TMTC1: variants seen among roughly 807,000 people sequenced by gnomAD.
TMTC1 encodes the protein transmembrane O-mannosyltransferase targeting cadherins 1.
TMTC1 carries 73 observed loss-of-function variants against 104.8 expected under a neutral mutation model. The observed-to-expected ratio is 0.70, with a 90% CI of 0.58 to 0.85. The LOEUF (loss-of-function observed/expected upper bound fraction) is 0.85, where lower values mean the gene tolerates loss of function less well. Among genes scored for constraint, TMTC1 ranks in the 40% least tolerant of loss-of-function variants. The pLI is 0.00. For synonymous variants in TMTC1, 434 were observed against 428.7 expected (o/e 1.01, Z -0.15); for missense variants, 1,035 against 1,096.1 (o/e 0.94, Z 0.79).
intron 5 of TMTC1, among the ~76,000 whole-genome samples, chr12:29,643,611 TA>T (rs1939006633): frequency 5.2e-5 from 2 of 38,514 alleles, no homozygotes; most frequent in African/African-American, 1.3e-4. Context: ...ATATTATATA[TA>T]ATATATATCT....
At chr12:29,702,834 T>C (rs1006988803) in intron 5 of TMTC1, among the ~76,000 whole-genome samples, 1 of 152,114 alleles carries the variant, frequency 6.6e-6, no homozygotes, top group Non-Finnish European at 1.5e-5. Flanking sequence ...GACTGCGATA[T>C]TTTCTAATTT....
chr12:29,740,708 C>A (rs1458082073), intron 5 of TMTC1, among the ~76,000 whole-genome samples: 1 of 152,140 alleles, frequency 6.6e-6, no homozygotes, highest in Admixed American at 6.5e-5. Context: ...CTCCTAGGCT[C>A]AAGTGATCTT....
At chr12:29,560,416 G>A (rs1448922365) in intron 9 of TMTC1, among the ~76,000 whole-genome samples, 1 of 151,612 alleles carries the variant, frequency 6.6e-6, no homozygotes, top group Non-Finnish European at 1.5e-5. Flanking sequence ...GAGTTATATT[G>A]TCCAATCATT....
chr12:29,565,451 A>G (rs1338779113), intron 9 of TMTC1, among the ~76,000 whole-genome samples: 1 of 152,206 alleles, frequency 6.6e-6, no homozygotes, highest in East Asian at 1.9e-4. Context: ...GAAGAGGAAA[A>G]GATAGACGTA....
chr12:29,678,535 G>C (rs1031724054), intron 5 of TMTC1, among the ~76,000 whole-genome samples: 2 of 152,108 alleles, frequency 1.3e-5, no homozygotes, highest in African/African-American at 4.8e-5. Flanking sequence ...AGGGACAGTG[G>C]GTTTCCGAAT....
Position 29,592,331 on chromosome 12 carries a change from A to G in TMTC1, c.1251-8757T>C, listed in dbSNP as rs577677212. ...GGAGAAATTTTCCAGAAGAATGAAT[A>G]TATTTGGAAGTGAGAGTTTATTCAT... On this transcript the variant is annotated intron_variant, in intron 7 of 17. Coordinates refer to ENST00000539277, the MANE Select transcript of TMTC1 (RefSeq NM_001193451.2). Among the ~76,000 whole-genome samples the G allele has an allele frequency of 6.6e-5, 10 of 152,340 alleles. 1 individual carries two copies. Among genetic ancestry groups the G allele is most frequent in the East Asian group, 5.8e-4 (3 of 5,192 alleles).
chr12:29,573,253 T>G (rs951640530), intron 8 of TMTC1, among the ~76,000 whole-genome samples: 6 of 152,140 alleles, frequency 3.9e-5, no homozygotes, highest in Admixed American at 3.3e-4. Context: ...TGCCAGGCCC[T>G]CACATAATCT....
At chr12:29,643,816 T>TAC (rs1172434702) in intron 5 of TMTC1, among the ~76,000 whole-genome samples, 3 of 52,298 alleles carry the variant, frequency 5.7e-5, no homozygotes, top group African/African-American at 1.7e-4. Flanking sequence ...TATATTTATA[T>TAC]ATATTTATAT....
intron 11 of TMTC1, among the ~76,000 whole-genome samples, chr12:29,528,542 A>G (rs1008973565): frequency 1.3e-5 from 2 of 152,220 alleles, no homozygotes; most frequent in Non-Finnish European, 2.9e-5. Context: ...TAATTACCCA[A>G]TATAGCACAC....
chr12:29,772,578 T>C (rs1780744997), intron 1 of TMTC1, among the ~76,000 whole-genome samples: 1 of 152,184 alleles, frequency 6.6e-6, no homozygotes, highest in South Asian at 2.1e-4. Context: ...AGCCTGACCC[T>C]TTTAGCAATT....
intron 9 of TMTC1, among the ~76,000 whole-genome samples, chr12:29,558,171 T>C (rs947546111): frequency 3.9e-5 from 6 of 152,140 alleles, no homozygotes; most frequent in African/African-American, 1.4e-4. Flanking sequence ...ATATTCAGAG[T>C]GGACATAGTT....
At chr12:29,703,789 C>A (rs1469443458) in intron 5 of TMTC1, among the ~76,000 whole-genome samples, 1 of 152,210 alleles carries the variant, frequency 6.6e-6, no homozygotes, top group Non-Finnish European at 1.5e-5. Context: ...TTGTATAAAT[C>A]CTTTGAAACC....
intron 5 of TMTC1, among the ~76,000 whole-genome samples, chr12:29,690,873 A>C (rs1236283470): frequency 2.6e-5 from 4 of 152,242 alleles, no homozygotes; most frequent in African/African-American, 9.6e-5. Flanking sequence ...CTTTGCAAAA[A>C]TTATAACTGA....
At chr12:29,729,260 A>C (rs927295418) in intron 5 of TMTC1, among the ~76,000 whole-genome samples, 1 of 151,558 alleles carries the variant, frequency 6.6e-6, no homozygotes, top group African/African-American at 2.4e-5. Context: ...ATATCTGCTA[A>C]CTCCACTGTC....
In TMTC1 at chr12:29,725,488, C is replaced by A. The variant is rs149446751; in HGVS notation, c.938+26178G>T. Among the ~76,000 whole-genome samples the A allele has an allele frequency of 7.6e-3, 1,154 of 152,200 alleles. 18 individuals are homozygous for A. Among genetic ancestry groups the A allele is most frequent in the African/African-American group, 0.027 (1,102 of 41,538 alleles). ...AGCTGGGATTATAGGCATGAGCTACCACACCCAGTCCTGCCAAGTACTTAA... is the reference window on the plus strand; with the variant it reads ...AGCTGGGATTATAGGCATGAGCTACAACACCCAGTCCTGCCAAGTACTTAA... On this transcript the variant is annotated intron_variant, in intron 5 of 17. Coordinates refer to ENST00000539277, the MANE Select transcript of TMTC1 (RefSeq NM_001193451.2).
chr12:29,519,739 T>C (rs1416860769), intron 12 of TMTC1: 10 of 152,162 alleles, frequency 6.6e-5, no homozygotes, highest in Non-Finnish European at 1.0e-4. Flanking sequence ...CTAGTTTTTA[T>C]ATTTTTAAGA....
chr12:29,630,915 G>A (rs559277962), intron 6 of TMTC1, among the ~76,000 whole-genome samples: 3 of 152,254 alleles, frequency 2.0e-5, no homozygotes, highest in Middle Eastern at 3.4e-3. Context: ...AGTGGCCAAC[G>A]CTCAGTGTTG....
chr12:29,582,368 C>A (rs1015106377), intron 8 of TMTC1, among the ~76,000 whole-genome samples: 12 of 152,184 alleles, frequency 7.9e-5, no homozygotes, highest in African/African-American at 2.4e-4. Flanking sequence ...TGCCCTAGCT[C>A]CCTCCATGGA....
At chr12:29,699,426 T>C (rs1941516482) in intron 5 of TMTC1, among the ~76,000 whole-genome samples, 1 of 152,112 alleles carries the variant, frequency 6.6e-6, no homozygotes, top group Admixed American at 6.5e-5. Flanking sequence ...AATTACAACG[T>C]TATATGACAG....
Sources: gnomAD v4.1 joint callset for allele counts (sites outside exome capture counted in the v4.1 genomes callset) on GRCh38, gnomAD v4.1.1 for gene constraint, MANE v1.5 for transcripts, NCBI Gene and HGNC (gene_info 2026-07-23, HGNC 2026-07-21) for gene names.